Variants in SPAG17 observed in about 807,000 individuals in gnomAD.
SPAG17 encodes the protein sperm-associated antigen 17.
In SPAG17, 169 loss-of-function variants were observed where a neutral mutation model predicts 273.6. The observed-to-expected ratio is 0.62, with a 90% CI of 0.55 to 0.70. The LOEUF is 0.70. SPAG17 is among the 30% of genes least tolerant of loss of function. The pLI is 0.00. For missense variants in SPAG17, 2,557 were observed against 2,627.8 expected (o/e 0.97, Z 0.59); for synonymous variants, 825 against 873.2 (o/e 0.94, Z 0.97).
At chr1:118,175,401 C>A (rs565507425) in intron 1 of SPAG17, among the ~76,000 whole-genome samples, 1 of 151,904 alleles carries the variant, frequency 6.6e-6, no homozygotes, top group Non-Finnish European at 1.5e-5. Context: ...AATAAGACTA[C>A]CCCAAGGCAT....
intron 48 of SPAG17, chr1:117,955,235 T>C: frequency 7.9e-7 from 1 of 1,258,894 alleles, no homozygotes; most frequent in Non-Finnish European, 1.1e-6. Context: ...GGGTTCCTGT[T>C]TTATAGGAGA....
intron 15 of SPAG17, chr1:118,076,644 T>G (rs143605511): frequency 1.3e-5 from 2 of 152,324 alleles, no homozygotes; most frequent in East Asian, 3.9e-4. Context: ...AGAAAATATG[T>G]TCTAAAAATT....
At chr1:117,985,845 A>G (rs1312776366) in intron 40 of SPAG17, among the ~76,000 whole-genome samples, 1 of 152,190 alleles carries the variant, frequency 6.6e-6, no homozygotes, top group Non-Finnish European at 1.5e-5. Context: ...AACCTATTCC[A>G]AATCACATTA....
chr1:118,074,342 C>T (rs1049039350), intron 16 of SPAG17, among the ~76,000 whole-genome samples, 197 bp downstream of exon 16: 22 of 152,136 alleles, frequency 1.4e-4, no homozygotes, highest in African/African-American at 2.4e-5. Context: ...GGAAGTTATG[C>T]GCAAGCCGCC....
intron 35 of SPAG17, among the ~76,000 whole-genome samples, chr1:117,993,368 TC>T (rs1029294255): frequency 6.6e-5 from 10 of 152,302 alleles, no homozygotes; most frequent in Admixed American, 5.9e-4. Flanking sequence ...AGAATAAACT[TC>T]CTTCAATAAT....
intron 46 of SPAG17, among the ~76,000 whole-genome samples, chr1:117,969,103 G>A (rs368851988): frequency 3.9e-5 from 6 of 152,058 alleles, no homozygotes; most frequent in African/African-American, 9.7e-5. Flanking sequence ...ATGAACTTAC[G>A]TTTACATCAT....
At chr1:118,068,687 A>C (rs1180387865) in intron 17 of SPAG17, among the ~76,000 whole-genome samples, 1 of 152,204 alleles carries the variant, frequency 6.6e-6, no homozygotes, top group Non-Finnish European at 1.5e-5. Context: ...TTTTCATTAA[A>C]AATGAGTACC....
intron 31 of SPAG17, among the ~76,000 whole-genome samples, chr1:118,007,549 A>AC (rs1242766309): frequency 6.6e-6 from 1 of 152,192 alleles, no homozygotes; most frequent in Admixed American, 6.5e-5. Flanking sequence ...CCTTCCAAGG[A>AC]CAGAGCTTTG....
intron 3 of SPAG17, among the ~76,000 whole-genome samples, chr1:118,148,871 T>A (rs1360784528): frequency 1.3e-5 from 2 of 152,174 alleles, no homozygotes; most frequent in Non-Finnish European, 2.9e-5. Context: ...GGATGAGAGG[T>A]ACTAGGTAGC....
intron 1 of SPAG17, among the ~76,000 whole-genome samples, chr1:118,163,188 A>G (rs574893421): frequency 1.3e-5 from 2 of 152,320 alleles, no homozygotes; most frequent in South Asian, 4.2e-4. Flanking sequence ...AAAAGTACTG[A>G]AAAAAAGTGT....
chr1:117,985,210 C>T (rs989496301), intron 40 of SPAG17, among the ~76,000 whole-genome samples: 2 of 152,126 alleles, frequency 1.3e-5, no homozygotes, highest in African/African-American at 4.8e-5. Flanking sequence ...AAACTTGAGG[C>T]ATGATTTGTG....
At chr1:118,022,131 C>T (rs1421887304) in intron 28 of SPAG17, among the ~76,000 whole-genome samples, 2 of 151,970 alleles carry the variant, frequency 1.3e-5, no homozygotes, top group African/African-American at 2.4e-5. Context: ...GGAGAGGCAG[C>T]GTAATTTAGG....
intron 19 of SPAG17, among the ~76,000 whole-genome samples, chr1:118,054,890 G>A (rs1462436999): frequency 6.6e-6 from 1 of 151,842 alleles, no homozygotes; most frequent in Non-Finnish European, 1.5e-5. Context: ...AAACTCCTTT[G>A]GTAATTGATA....
chr1:117,963,694 G>A, intron 48 of SPAG17, 105 bp downstream of exon 48: 1 of 1,058,970 alleles, frequency 9.4e-7, no homozygotes, highest in Non-Finnish European at 1.3e-6. Context: ...TTCAGGCCAG[G>A]TGGCTTATAG....
intron 44 of SPAG17, among the ~76,000 whole-genome samples, chr1:117,972,655 C>T (rs1187483186): frequency 6.6e-6 from 1 of 151,928 alleles, no homozygotes; most frequent in African/African-American, 2.4e-5. Flanking sequence ...TAACAAGATC[C>T]CGAGGTAATT....
intron 27 of SPAG17, 128 bp downstream of exon 27, chr1:118,025,110 T>C (rs771352081): frequency 7.2e-6 from 5 of 692,854 alleles, no homozygotes; most frequent in African/African-American, 5.5e-5. Context: ...TTATCATTTG[T>C]CATTTGAAGG....
chr1:118,090,119 T>C (rs1655268250), intron 10 of SPAG17, among the ~76,000 whole-genome samples: 1 of 152,190 alleles, frequency 6.6e-6, no homozygotes. Context: ...CAATGGGGGA[T>C]AAAAACAGTT....
intron 20 of SPAG17, among the ~76,000 whole-genome samples, chr1:118,052,408 C>T (rs972572839): frequency 3.3e-5 from 5 of 151,050 alleles, no homozygotes; most frequent in Admixed American, 6.6e-5. Context: ...GAAAGGGGAT[C>T]GGGAAGATGT....
intron 24 of SPAG17, among the ~76,000 whole-genome samples, chr1:118,033,543 T>C (rs1048615821): frequency 1.8e-4 from 27 of 152,188 alleles, no homozygotes; most frequent in African/African-American, 6.5e-4. Flanking sequence ...ACTGATACCA[T>C]AGCACTTCCA....
Sources: allele counts gnomAD v4.1 joint callset (sites outside exome capture counted in the v4.1 genomes callset), GRCh38; gene constraint gnomAD v4.1.1; transcripts MANE v1.5; gene names NCBI Gene and HGNC (gene_info 2026-07-23, HGNC 2026-07-21).